The following PCDHGB3 variants were observed in gnomAD, a reference collection of about 807,000 sequenced individuals.
The protein encoded by PCDHGB3 is protocadherin gamma subfamily B, 3.
In PCDHGB3, 40 loss-of-function variants were observed where a neutral mutation model predicts 59.2. The observed-to-expected ratio is 0.68, with a 90% CI of 0.52 to 0.88. PCDHGB3 has a LOEUF of 0.88. PCDHGB3 is among the 40% of genes least tolerant of loss of function. The pLI, the probability that PCDHGB3 is intolerant of heterozygous loss-of-function variation, is 0.00. For synonymous variants in PCDHGB3, 581 were observed against 503.6 expected (o/e 1.15, Z -2.06); for missense variants, 1,309 against 1,187.9 (o/e 1.10, Z -1.50).
rs182682202 is a variant in PCDHGB3 at position 141,445,418 on chromosome 5, T to A, written c.2416-49389T>A. Among the ~76,000 whole-genome samples the A allele has an allele frequency of 2.2e-3, 335 of 152,310 alleles. 1 individual carries two copies. Among genetic ancestry groups the A allele is most frequent in the Middle Eastern group, 0.01 (3 of 294 alleles). Reference sequence around the variant, plus strand: ...ACAAATATTTATTAACTGTCTGCTATATGCAAGGCACTGACCTATGGACTA... The same window carrying A: ...ACAAATATTTATTAACTGTCTGCTAAATGCAAGGCACTGACCTATGGACTA... On this transcript the variant is annotated intron_variant, in intron 1 of 3. Transcript: ENST00000576222.
In PCDHGB3 at chr5:141,394,984, T is replaced by C. The variant is rs777878747; in HGVS notation, c.2415+22175T>C. On this transcript the variant is annotated intron_variant, in intron 1 of 3. Transcript: ENST00000576222. ...CTGAGGCGCTGGCACAAGTCACGCC[T>C]GCTCCAGGATTCCGGTGGCAGATTG... 5 of 1,614,026 alleles carry C rather than the reference T, an allele frequency of 3.1e-6. 1 individual carries two copies. In the South Asian group the frequency reaches 4.4e-5, roughly 14 times the overall value.
At chr5:141,400,392 A>C (rs2094014497) in intron 1 of PCDHGB3, 1 of 1,613,942 alleles carries the variant, frequency 6.2e-7, no homozygotes, top group Admixed American at 1.7e-5. Context: ...TTGCACATAC[A>C]GGAAAGACGG....
chr5:141,502,866 CTT>C (rs549047197), intron 2 of PCDHGB3, among the ~76,000 whole-genome samples: 3 of 127,996 alleles, frequency 2.3e-5, no homozygotes, highest in Admixed American at 8.6e-5. Flanking sequence ...GACTCTCTGT[CTT>C]TTTTTTTTTT....
intron 1 of PCDHGB3, chr5:141,478,053 T>A (rs1461280529): frequency 1.2e-6 from 2 of 1,614,010 alleles, no homozygotes; most frequent in Non-Finnish European, 1.7e-6. Context: ...ACTCTCACGG[T>A]CTTGATCAAA....
chr5:141,405,346 G>C (rs184640789), intron 1 of PCDHGB3: 4 of 1,614,108 alleles, frequency 2.5e-6, no homozygotes, highest in Non-Finnish European at 3.4e-6. Context: ...TTGATTCCAA[G>C]TTTCCTATAG....
At position 141,476,606 on chromosome 5, in the gene PCDHGB3, G is replaced by T. The variant is rs2099394832; in HGVS notation, c.2416-18201G>T. The stretch of plus-strand genomic sequence containing the variant: ...GCTCGAGAGCGCGCACGATCCCGAT[G>T]TGGGAAGCAACTCTTTACAAACCTA... On this transcript the variant is annotated intron_variant, in intron 1 of 3. Transcript: ENST00000576222. The surrounding 1 kb of genome is among the most constrained non-coding windows in gnomAD (Gnocchi z 7.6). The T allele has an allele frequency of 1.9e-6, 3 of 1,614,126 alleles. No individual in the cohort carries two copies. Among genetic ancestry groups the T allele is most frequent in the Non-Finnish European group, 1.7e-6 (2 of 1,180,054 alleles).
intron 1 of PCDHGB3, chr5:141,414,180 A>T: frequency 6.2e-7 from 1 of 1,608,986 alleles, no homozygotes; most frequent in Non-Finnish European, 8.5e-7. Context: ...TTGCAACTGC[A>T]AAAGTGTTGA....
At chr5:141,500,562 T>A (rs2099801387) in intron 2 of PCDHGB3, among the ~76,000 whole-genome samples, 1 of 152,202 alleles carries the variant, frequency 6.6e-6, no homozygotes, top group Admixed American at 6.5e-5. Flanking sequence ...CACAAACTTG[T>A]CACACTTTCA....
At chr5:141,499,606 C>T (rs2099792968) in intron 2 of PCDHGB3, among the ~76,000 whole-genome samples, 1 of 152,028 alleles carries the variant, frequency 6.6e-6, no homozygotes, top group African/African-American at 2.4e-5. Context: ...TATCCCTACC[C>T]TTATCCTGTC....
Position 141,511,015 on chromosome 5 carries a change from C to A in PCDHGB3, c.2632C>A (p.Pro878Thr). Residue 878 changes from proline (P) to threonine (T), a missense_variant, in exon 4 of 4, where the codon CCC becomes ACC. Coordinates refer to ENST00000576222, the MANE Select transcript of PCDHGB3 (RefSeq NM_018924.5). ...GTMGLSARYG[P>T]QFTLQHVPDY... ...CATGGGATTGAGCGCCCGCTACGGA[C>A]CCCAGTTCACCCTGCAGCACGTGCC... 6.2e-7 allele frequency: 1 copy of A among 1,614,224 alleles called. No individual in the cohort carries two copies. The highest frequency in any genetic ancestry group is 8.5e-7 in the Non-Finnish European group (1 of 1,180,038).
At chr5:141,443,980 T>A (rs2098412674) in intron 1 of PCDHGB3, among the ~76,000 whole-genome samples, 1 of 152,036 alleles carries the variant, frequency 6.6e-6, no homozygotes, top group South Asian at 2.1e-4. Context: ...CTAAGCTATG[T>A]TAATTTTATT....
At chr5:141,393,102 G>C (rs768432261) in intron 1 of PCDHGB3, 2 of 1,613,568 alleles carry the variant, frequency 1.2e-6, no homozygotes, top group Non-Finnish European at 1.7e-6. Context: ...GGAGCTCTGC[G>C]CTCAGAGCCC....
intron 1 of PCDHGB3, among the ~76,000 whole-genome samples, chr5:141,436,199 A>G (rs576607542): frequency 7.2e-5 from 11 of 152,282 alleles, no homozygotes; most frequent in East Asian, 5.8e-4. Context: ...AAAGAAAGAC[A>G]TAATAGGAAA....
In PCDHGB3 at chr5:141,457,491, A is replaced by G. The variant is rs1462989353; in HGVS notation, c.2416-37316A>G. Among the ~76,000 whole-genome samples, 9 of 152,368 alleles carry G rather than the reference A, an allele frequency of 5.9e-5. No individual in the cohort carries two copies. The East Asian group carries it at 1.5e-3, about 26-fold the overall frequency. On this transcript the variant is annotated intron_variant, in intron 1 of 3. Transcript: ENST00000576222. ...ATAAGCAGGGCCAGGGTTAGTCTAA[A>G]ATGTAGGCAAAAAGCTTAAAAACAA...
At chr5:141,423,785 A>G (rs531378008) in intron 1 of PCDHGB3, 48 of 1,269,536 alleles carry the variant, frequency 3.8e-5, no homozygotes, top group Non-Finnish European at 4.4e-5. Context: ...TTTAGTTCAT[A>G]TATATTTAGA....
chr5:141,468,486 TG>T (rs1562016448), intron 1 of PCDHGB3: 14 of 152,288 alleles, frequency 9.2e-5, no homozygotes. Context: ...GTAGGTCTCA[TG>T]GAAGATTTTC....
At chr5:141,395,358 G>C in intron 1 of PCDHGB3, 1 of 1,346,158 alleles carries the variant, frequency 7.4e-7, no homozygotes, top group Non-Finnish European at 9.9e-7. Flanking sequence ...ACAGAGTTTT[G>C]GGTTTATTTT....
intron 1 of PCDHGB3, chr5:141,422,609 A>G: frequency 6.2e-7 from 1 of 1,613,882 alleles, no homozygotes; most frequent in Non-Finnish European, 8.5e-7. Context: ...TACTCTGCCT[A>G]CATTCCCGAA....
intron 2 of PCDHGB3, among the ~76,000 whole-genome samples, chr5:141,504,268 T>A (rs539485141): frequency 2.2e-4 from 34 of 152,348 alleles, no homozygotes; most frequent in Admixed American, 1.3e-3. Context: ...AGTATTTTTT[T>A]AAATTATGAA....
Sources: allele counts gnomAD v4.1 joint callset (sites outside exome capture counted in the v4.1 genomes callset), GRCh38; gene constraint gnomAD v4.1.1; non-coding constraint Gnocchi (gnomAD v3.1); transcripts MANE v1.5; gene names NCBI Gene and HGNC (gene_info 2026-07-23, HGNC 2026-07-21).